The following RBMS3 variants were observed in gnomAD, a reference collection of about 807,000 sequenced individuals.
RBMS3 encodes the protein RNA-binding motif, single-stranded-interacting protein 3.
Under a neutral mutation model 66.8 loss-of-function variants are expected in RBMS3, and 27 were observed. The ratio of observed to expected loss-of-function variants is 0.40; its 90% CI spans 0.30 to 0.56. RBMS3 has a LOEUF of 0.56. RBMS3 is among the 20% of genes least tolerant of loss of function. The pLI is 0.40. For missense variants in RBMS3, 513 were observed against 549.5 expected, an observed-to-expected ratio of 0.93 and a Z score of 0.66; for synonymous variants, 188 against 183.0, an observed-to-expected ratio of 1.03 and a Z score of -0.22.
intron 1 of RBMS3, among the ~76,000 whole-genome samples, chr3:29,290,260 G>C (rs1399766377): frequency 3.3e-5 from 5 of 151,790 alleles, no homozygotes; most frequent in Non-Finnish European, 7.4e-5. Flanking sequence ...CTAGTTTTGA[G>C]TAGGTGAAGT....
At chr3:29,860,725 G>A (rs1048577713) in intron 6 of RBMS3, among the ~76,000 whole-genome samples, 4 of 152,172 alleles carry the variant, frequency 2.6e-5, no homozygotes, top group African/African-American at 9.7e-5. Flanking sequence ...ATAAATAAAA[G>A]ATGGACTGTG....
chr3:29,294,116 C>G (rs534656324), intron 1 of RBMS3, among the ~76,000 whole-genome samples: 18 of 151,850 alleles, frequency 1.2e-4, no homozygotes, highest in African/African-American at 4.3e-4. Flanking sequence ...GTGTATGATG[C>G]AGATTAAGGT....
chr3:29,504,421 A>G (rs1261270665), intron 3 of RBMS3, among the ~76,000 whole-genome samples: 2 of 152,142 alleles, frequency 1.3e-5, no homozygotes, highest in Admixed American at 6.6e-5. Flanking sequence ...AGAGGCAGTG[A>G]GCAGGCCTCT....
chr3:29,651,100 A>C (rs1484181930), intron 4 of RBMS3, among the ~76,000 whole-genome samples: 2 of 152,202 alleles, frequency 1.3e-5, no homozygotes, highest in Non-Finnish European at 2.9e-5. Context: ...GTCACATGAA[A>C]GACTAAAAGA....
At chr3:29,830,771 T>C (rs1050671199) in intron 6 of RBMS3, among the ~76,000 whole-genome samples, 5 of 152,150 alleles carry the variant, frequency 3.3e-5, no homozygotes, top group African/African-American at 1.2e-4. Flanking sequence ...AGCTCACAAA[T>C]TGCAATTCAG....
chr3:29,391,988 G>T (rs1442351680), intron 1 of RBMS3, among the ~76,000 whole-genome samples: 2 of 152,102 alleles, frequency 1.3e-5, no homozygotes, highest in Non-Finnish European at 1.5e-5. Context: ...GGTGGCTCAC[G>T]CCTGTAATCC....
At position 29,741,014 on chromosome 3, in the gene RBMS3, C is replaced by T. The variant is rs1576666927; in HGVS notation, c.557+1137C>T. On this transcript the variant is annotated intron_variant, in intron 5 of 14. Transcript: ENST00000383767. ...CGAGATCGCGCCACTATACTCCAGC[C>T]TGGGCAACACAGCGAGACTCCATCT... 3.4e-5 allele frequency among the ~76,000 whole-genome samples: 5 copies of T among 148,696 alleles called. No homozygotes were observed. The Admixed American group carries it at 3.4e-4, about 10-fold the overall frequency.
chr3:29,985,796 C>G (rs947910246), intron 12 of RBMS3, among the ~76,000 whole-genome samples: 1 of 152,148 alleles, frequency 6.6e-6, no homozygotes, highest in Non-Finnish European at 1.5e-5. Flanking sequence ...CCTATTCATC[C>G]GTCTTGCCAA....
intron 1 of RBMS3, among the ~76,000 whole-genome samples, chr3:29,408,501 G>A (rs2040125004): frequency 6.6e-6 from 1 of 151,988 alleles, no homozygotes; most frequent in South Asian, 2.1e-4. Context: ...TCAAGAAAAT[G>A]TATGACCTAT....
At chr3:29,541,988 T>A (rs1019671414) in intron 3 of RBMS3, among the ~76,000 whole-genome samples, 1 of 152,218 alleles carries the variant, frequency 6.6e-6, no homozygotes, top group Non-Finnish European at 1.5e-5. Flanking sequence ...TTGTTCCATT[T>A]CTCACTATCT....
intron 1 of RBMS3, among the ~76,000 whole-genome samples, chr3:29,433,524 T>G (rs893494970): frequency 6.6e-6 from 1 of 152,168 alleles, no homozygotes; most frequent in Non-Finnish European, 1.5e-5. Flanking sequence ...TAGGAACCAT[T>G]TTGTTTGCAT....
intron 6 of RBMS3, among the ~76,000 whole-genome samples, chr3:29,764,140 T>C (rs1299213216): frequency 6.6e-6 from 1 of 151,966 alleles, no homozygotes; most frequent in Non-Finnish European, 1.5e-5. Context: ...ATGTCAAGAA[T>C]GCAGAAAGAC....
chr3:29,684,733 TTGAA>T (rs2051639698), intron 4 of RBMS3, among the ~76,000 whole-genome samples: 1 of 151,616 alleles, frequency 6.6e-6, no homozygotes, highest in African/African-American at 2.4e-5. Context: ...TATCCAGAAT[TTGAA>T]TGTCACAAAA....
chr3:29,682,344 C>A (rs1036325112), intron 4 of RBMS3, among the ~76,000 whole-genome samples: 2 of 152,136 alleles, frequency 1.3e-5, no homozygotes, highest in Non-Finnish European at 2.9e-5. Context: ...TTAGTAGAGA[C>A]GGGTTTCACC....
At chr3:29,442,630 T>C (rs2041670623) in intron 2 of RBMS3, among the ~76,000 whole-genome samples, 1 of 152,162 alleles carries the variant, frequency 6.6e-6, no homozygotes, top group Non-Finnish European at 1.5e-5. Flanking sequence ...GCAGATCTCA[T>C]GCTGAATGCC....
intron 7 of RBMS3, among the ~76,000 whole-genome samples, chr3:29,869,600 AC>A (rs1287818378): frequency 6.6e-6 from 1 of 152,106 alleles, no homozygotes; most frequent in Non-Finnish European, 1.5e-5. Flanking sequence ...CTATCCATTT[AC>A]CCTCAATACA....
chr3:29,970,024 A>G (rs1697121505), intron 12 of RBMS3, among the ~76,000 whole-genome samples: 1 of 152,172 alleles, frequency 6.6e-6, no homozygotes, highest in South Asian at 2.1e-4. Context: ...TATTTTCTAT[A>G]AGTGTGTATG....
intron 8 of RBMS3, 35 bp from the exon 9 acceptor site, chr3:29,897,344 C>G: frequency 6.3e-7 from 1 of 1,577,150 alleles, no homozygotes. Context: ...CATGTAGCAG[C>G]TTCGTGAATC....
chr3:29,808,973 A>G (rs192426768), intron 6 of RBMS3, among the ~76,000 whole-genome samples: 2 of 152,054 alleles, frequency 1.3e-5, no homozygotes, highest in Non-Finnish European at 2.9e-5. Context: ...GTGAGGAAAC[A>G]TTGATCCAAA....
Sources: gnomAD v4.1 joint callset for allele counts (sites outside exome capture counted in the v4.1 genomes callset) on GRCh38, gnomAD v4.1.1 for gene constraint, MANE v1.5 for transcripts, NCBI Gene and HGNC (gene_info 2026-07-23, HGNC 2026-07-21) for gene names.